Variants in CAMK2D observed in about 807,000 individuals in gnomAD.
The protein encoded by CAMK2D is calcium/calmodulin-dependent protein kinase type II subunit delta.
Under a neutral mutation model 84.0 loss-of-function variants are expected in CAMK2D, and 37 were observed. That is an observed-to-expected ratio of 0.44 (90% CI 0.34 to 0.58). The LOEUF (loss-of-function observed/expected upper bound fraction) is 0.58, where lower values mean the gene tolerates loss of function less well. Ranked by LOEUF, CAMK2D falls within the 20% of genes least tolerant of loss-of-function variation. CAMK2D has a pLI of 0.02. For synonymous variants in CAMK2D, 202 were observed against 212.5 expected (o/e 0.95, Z 0.43); for missense variants, 448 against 652.5 (o/e 0.69, Z 3.41).
intron 3 of CAMK2D, among the ~76,000 whole-genome samples, chr4:113,626,889 C>T (rs1387128016): frequency 6.6e-6 from 1 of 152,106 alleles, no homozygotes; most frequent in Non-Finnish European, 1.5e-5. Flanking sequence ...AATTTAATTT[C>T]GCGGTATGAT....
At chr4:113,748,208 T>A (rs775442883) in intron 2 of CAMK2D, among the ~76,000 whole-genome samples, 1 of 152,182 alleles carries the variant, frequency 6.6e-6, no homozygotes, top group Non-Finnish European at 1.5e-5. Context: ...TGACTTTACA[T>A]CTGTTCACCT....
At position 113,454,466 on chromosome 4, in the gene CAMK2D, C is replaced by G. The variant is rs377058683; in HGVS notation, c.*79G>C. 10 of 777,982 alleles carry G rather than the reference C, an allele frequency of 1.3e-5. No homozygotes were observed. The highest frequency in any genetic ancestry group is 9.4e-5 in the South Asian group (7 of 74,316). 48.2% of individuals were successfully genotyped at this position (777,982 alleles called of 1,614,324 possible). On this transcript the variant is annotated 3_prime_UTR_variant, in exon 21 of 21. Transcript: ENST00000511664. Reference sequence around the variant, plus strand: ...GGAGAGGACGGCCCAGGGTCACCATCCAGGTGCCTTGAGAACAGAGAATGC... The same window carrying G: ...GGAGAGGACGGCCCAGGGTCACCATGCAGGTGCCTTGAGAACAGAGAATGC...
At chr4:113,529,973 A>G (rs939707650) in intron 8 of CAMK2D, among the ~76,000 whole-genome samples, 1 of 152,234 alleles carries the variant, frequency 6.6e-6, no homozygotes, top group Admixed American at 6.5e-5. Context: ...TTAAAAAGGT[A>G]AAAGTTTCTA....
chr4:113,758,802 A>G (rs984826253), intron 2 of CAMK2D, among the ~76,000 whole-genome samples: 11 of 152,192 alleles, frequency 7.2e-5, no homozygotes, highest in African/African-American at 2.7e-4. Context: ...CAGAAACATC[A>G]AAATAAAACT....
chr4:113,610,615 A>G (rs1382400922), intron 3 of CAMK2D, among the ~76,000 whole-genome samples: 3 of 152,114 alleles, frequency 2.0e-5, no homozygotes, highest in African/African-American at 7.2e-5. Context: ...GATAGATTAT[A>G]GTTTGTAAAA....
chr4:113,485,545 T>C (rs537269321), intron 16 of CAMK2D, among the ~76,000 whole-genome samples: 25 of 152,324 alleles, frequency 1.6e-4, no homozygotes, highest in Non-Finnish European at 2.2e-4. Context: ...CCTTTAGACA[T>C]AGTCTTAAAA....
intron 3 of CAMK2D, among the ~76,000 whole-genome samples, chr4:113,637,110 A>G (rs1054963491): frequency 6.6e-6 from 1 of 151,664 alleles, no homozygotes; most frequent in Non-Finnish European, 1.5e-5. Context: ...CAATCTGACC[A>G]CAATATGACA....
In CAMK2D at chr4:113,654,587, A is replaced by G. The variant is rs149472682; in HGVS notation, c.220+7126T>C. Among the ~76,000 whole-genome samples the G allele has an allele frequency of 2.2e-4, 33 of 152,118 alleles. No individual in the cohort carries two copies. The East Asian group carries it at 5.2e-3, about 24-fold the overall frequency. ...ATCGATTTGAACCAAAAACAACCTC[A>G]AAACTCTCCTCAAAAGGGAACAAAA... On this transcript the variant is annotated intron_variant, in intron 3 of 20. Coordinates refer to ENST00000511664, the MANE Select transcript of CAMK2D (RefSeq NM_001321571.2).
chr4:113,581,686 C>T (rs2098810900), intron 4 of CAMK2D, among the ~76,000 whole-genome samples: 1 of 152,016 alleles, frequency 6.6e-6, no homozygotes, highest in South Asian at 2.1e-4. Context: ...GTTCTTCCTT[C>T]CCACTACTAC....
At chr4:113,570,902 T>A (rs2098750198) in intron 4 of CAMK2D, among the ~76,000 whole-genome samples, 1 of 152,108 alleles carries the variant, frequency 6.6e-6, no homozygotes, top group African/African-American at 2.4e-5. Flanking sequence ...ATACATCTGA[T>A]AATAGGTTAA....
chr4:113,505,952 A>C (rs1324010364), intron 13 of CAMK2D, among the ~76,000 whole-genome samples: 3 of 152,202 alleles, frequency 2.0e-5, no homozygotes, highest in Non-Finnish European at 4.4e-5. Context: ...ACATTCTTTT[A>C]AACTCATGCA....
intron 2 of CAMK2D, among the ~76,000 whole-genome samples, chr4:113,740,715 C>T (rs1052951248): frequency 2.0e-5 from 3 of 152,056 alleles, no homozygotes; most frequent in Non-Finnish European, 4.4e-5. Flanking sequence ...CTTTCCCTCA[C>T]ACCTCACAAC....
chr4:113,618,021 T>C (rs150493550), intron 3 of CAMK2D, among the ~76,000 whole-genome samples: 1 of 152,106 alleles, frequency 6.6e-6, no homozygotes, highest in Non-Finnish European at 1.5e-5. Flanking sequence ...TAAGTAATAC[T>C]TGATAAGCAC....
chr4:113,478,900 T>G (rs991974995), intron 16 of CAMK2D, among the ~76,000 whole-genome samples: 5 of 152,212 alleles, frequency 3.3e-5, no homozygotes, highest in Admixed American at 1.3e-4. Flanking sequence ...CTTTTTAAAT[T>G]TGAAAACACA....
At chr4:113,601,986 T>C (rs1222822305) in intron 4 of CAMK2D, among the ~76,000 whole-genome samples, 1 of 152,146 alleles carries the variant, frequency 6.6e-6, no homozygotes, top group East Asian at 1.9e-4. Flanking sequence ...TGTGGACCAC[T>C]GTGCCCAGCC....
At chr4:113,756,401 G>T (rs761014474) in intron 2 of CAMK2D, among the ~76,000 whole-genome samples, 12 of 152,012 alleles carry the variant, frequency 7.9e-5, no homozygotes, top group Non-Finnish European at 1.3e-4. Flanking sequence ...ACAGAGTCAT[G>T]GAATTTCAAA....
At position 113,528,641 on chromosome 4, in the gene CAMK2D, CA is replaced by C. The variant is rs1369036041; in HGVS notation, c.601+2574del. On this transcript the variant is annotated intron_variant, in intron 8 of 20. Coordinates refer to ENST00000511664, the MANE Select transcript of CAMK2D (RefSeq NM_001321571.2). ...CACTATCCCTCTAGTGTTCAAGGTC[CA>C]AATGCAGCGTTTTAGCTACAACCCC... is the stretch of plus-strand genomic sequence containing the variant. 2.6e-5 allele frequency among the ~76,000 whole-genome samples: 4 copies of C among 152,192 alleles called. No individual in the cohort carries two copies. The East Asian group carries it at 7.7e-4, about 29-fold the overall frequency.
At chr4:113,760,103 A>T (rs1043677132) in intron 1 of CAMK2D, among the ~76,000 whole-genome samples, 1 of 152,232 alleles carries the variant, frequency 6.6e-6, no homozygotes, top group Non-Finnish European at 1.5e-5. Flanking sequence ...GTAACAGTCG[A>T]AACTAGTGAA....
At chr4:113,535,671 CT>C (rs1177745121) in intron 7 of CAMK2D, among the ~76,000 whole-genome samples, 4 of 152,188 alleles carry the variant, frequency 2.6e-5, no homozygotes, top group African/African-American at 9.7e-5. Flanking sequence ...GCCTCTGAGC[CT>C]TTCCATGTGC....
Sources: gnomAD v4.1 joint callset for allele counts (sites outside exome capture counted in the v4.1 genomes callset) on GRCh38, gnomAD v4.1.1 for gene constraint, MANE v1.5 for transcripts, NCBI Gene and HGNC (gene_info 2026-07-23, HGNC 2026-07-21) for gene names.